Variants in HTR1D observed in about 807,000 individuals in gnomAD.
HTR1D encodes 5-hydroxytryptamine receptor 1D, also known as 5-HT-1D.
In HTR1D, 18 loss-of-function variants were observed where a neutral mutation model predicts 21.1. The observed-to-expected ratio is 0.85, with a 90% CI of 0.59 to 1.27. The LOEUF is 1.27. Among genes scored for constraint, HTR1D ranks in the 50% most tolerant of loss-of-function variants. The probability of loss-of-function intolerance (pLI) is 0.00; values close to 1 mark genes in which losing one functional copy is unlikely to be tolerated. For missense variants in HTR1D, 456 were observed against 481.4 expected, an observed-to-expected ratio of 0.95 and a Z score of 0.49; for synonymous variants, 196 against 204.4, an observed-to-expected ratio of 0.96 and a Z score of 0.35.
rs1471655207 is a variant in HTR1D at position 23,194,633 on chromosome 1, C to G, written c.-414G>C. The G allele has an allele frequency of 5.9e-6, 1 of 168,580 alleles. No individual in the cohort carries two copies. The highest frequency in any genetic ancestry group is 2.4e-5 in the African/African-American group (1 of 41,464). The allele number at this position is 168,580 out of a possible 1,614,324, so 10.4% of individuals were successfully genotyped here. A position where few individuals can be genotyped will look rare whatever the true frequency, so the allele number is the denominator to read the frequency against. On this transcript the variant is annotated 5_prime_UTR_variant, in exon 2 of 2. Transcript: ENST00000374619. ...GTGGGCAATGCCCTGGGATTCTTGC[C>G]TTTGGCATCTGGCTCTTTTCAAAGC...
chr1:23,200,640 T>C (rs1644705922), intron 1 of HTR1D, among the ~76,000 whole-genome samples: 1 of 152,072 alleles, frequency 6.6e-6, no homozygotes, highest in Non-Finnish European at 1.5e-5. Flanking sequence ...TCCCAAACTG[T>C]TGGGATTATA....
intron 1 of HTR1D, among the ~76,000 whole-genome samples, chr1:23,196,602 C>T (rs1408764127): frequency 6.6e-6 from 1 of 152,040 alleles, no homozygotes; most frequent in African/African-American, 2.4e-5. Flanking sequence ...AACTCCAAAA[C>T]ATATATTACA....
intron 1 of HTR1D, among the ~76,000 whole-genome samples, chr1:23,204,850 C>T (rs1174310925): frequency 6.6e-6 from 1 of 152,182 alleles, no homozygotes; most frequent in Non-Finnish European, 1.5e-5. Flanking sequence ...CCAGCAGACA[C>T]ATGTGCGAGC....
In HTR1D at chr1:23,193,623, G is replaced by C; in HGVS notation, c.597C>G (p.Ile199Met). The C allele has an allele frequency of 1.2e-6, 2 of 1,614,116 alleles. No homozygotes were observed. Among genetic ancestry groups the C allele is most frequent in the Non-Finnish European group, 1.7e-6 (2 of 1,180,008 alleles). The change falls in exon 2 of 2, where the codon ATC becomes ATG. Residue 199 changes from isoleucine (I) to methionine (M), a missense_variant. By Grantham distance (10) the Ile-to-Met change is conservative. Coordinates refer to ENST00000374619, the MANE Select transcript of HTR1D (RefSeq NM_000864.5). The part of the protein sequence containing the change: ...LVNTSQISYT[I>M]YSTCGAFYIP... ...TGTAGAAGGCCCCACAGGTGGAGTAGATGGTGTAGGAGATCTGAGAGGTGT... is the reference window on the plus strand; with the variant it reads ...TGTAGAAGGCCCCACAGGTGGAGTACATGGTGTAGGAGATCTGAGAGGTGT...
At chr1:23,216,614 C>A (rs376431489) in intron 1 of HTR1D, among the ~76,000 whole-genome samples, 41 of 152,366 alleles carry the variant, frequency 2.7e-4, no homozygotes, top group African/African-American at 8.2e-4. Flanking sequence ...GCAGATTTCT[C>A]AGTGCCCTTC....
At chr1:23,213,817 C>T (rs1644763404) in intron 1 of HTR1D, among the ~76,000 whole-genome samples, 1 of 152,144 alleles carries the variant, frequency 6.6e-6, no homozygotes, top group Non-Finnish European at 1.5e-5. Context: ...CCTGGGCTTC[C>T]CAAAGTGGTG....
intron 1 of HTR1D, among the ~76,000 whole-genome samples, chr1:23,214,683 C>T (rs1261622445): frequency 6.6e-6 from 1 of 152,074 alleles, no homozygotes; most frequent in African/African-American, 2.4e-5. Flanking sequence ...AGCACTTAAC[C>T]TGATCTGATA....
intron 1 of HTR1D, among the ~76,000 whole-genome samples, chr1:23,202,091 G>A (rs1363732132): frequency 1.3e-5 from 2 of 151,436 alleles, no homozygotes. Context: ...TGTTGTTGTT[G>A]TTTTGTTTGT....
intron 1 of HTR1D, among the ~76,000 whole-genome samples, chr1:23,213,204 C>T (rs1644760706): frequency 6.6e-6 from 1 of 152,132 alleles, no homozygotes; most frequent in Non-Finnish European, 1.5e-5. Flanking sequence ...CTCTCTTCCC[C>T]AGCACTTAAC....
In HTR1D at chr1:23,192,623, C is replaced by G. The variant is rs371541457; in HGVS notation, c.*463G>C. 5.2e-5 allele frequency: 8 copies of G among 152,520 alleles called. No individual in the cohort carries two copies. Among genetic ancestry groups the G allele is most frequent in the African/African-American group, 1.9e-4 (8 of 41,440 alleles). The allele number at this position is 152,520 out of a possible 1,614,324, so 9.4% of individuals were successfully genotyped here. A position where few individuals can be genotyped will look rare whatever the true frequency, so the allele number is the denominator to read the frequency against. On this transcript the variant is annotated 3_prime_UTR_variant, in exon 2 of 2. Transcript: ENST00000374619. ...TTGGGATGCTGAGGCGGGCGGATCA[C>G]GAGGTCAAGAGATCGAGACCACCCT... is the stretch of plus-strand genomic sequence containing the variant.
chr1:23,200,529 T>TTTTG (rs1213351812), intron 1 of HTR1D, among the ~76,000 whole-genome samples: 4 of 152,130 alleles, frequency 2.6e-5, no homozygotes, highest in Non-Finnish European at 5.9e-5. Context: ...AATGGTTTCT[T>TTTTG]TTTGTTTGTT....
intron 1 of HTR1D, among the ~76,000 whole-genome samples, chr1:23,210,800 T>C (rs935917896): frequency 9.9e-5 from 15 of 152,088 alleles, no homozygotes; most frequent in African/African-American, 3.6e-4. Flanking sequence ...GACCATACTT[T>C]GCAAGAAGCC....
intron 1 of HTR1D, among the ~76,000 whole-genome samples, chr1:23,206,201 C>T (rs371128327): frequency 2.0e-5 from 3 of 152,034 alleles, no homozygotes; most frequent in African/African-American, 7.2e-5. Flanking sequence ...ACCACCATAC[C>T]CAGCTAATTT....
rs1394883956 is a variant in HTR1D, at chr1:23,193,703, G to A, written c.517C>T (p.Pro173Ser). 1 of 1,614,076 alleles carries A rather than the reference G, an allele frequency of 6.2e-7. No individual in the cohort carries two copies. Among genetic ancestry groups the A allele is most frequent in the East Asian group, 2.2e-5 (1 of 44,874 alleles). The change falls in exon 2 of 2, where the codon CCG becomes TCG. Residue 173 changes from proline (P) to serine (S), a missense_variant. Pro to Ser is a moderately conservative substitution (Grantham distance 74, BLOSUM62 -1). Coordinates refer to ENST00000374619, the MANE Select transcript of HTR1D (RefSeq NM_000864.5). ...GCCTTGGCCTGCCGCCAGAAGAGCG[G>A]GGGGATGGAGATGCAGATGGAGATG... ...WAISICISIPPLFWRQAKAQE... is the reference protein window; with the variant it reads ...WAISICISIPSLFWRQAKAQE...
intron 1 of HTR1D, among the ~76,000 whole-genome samples, chr1:23,205,079 C>T (rs1312641369): frequency 6.6e-6 from 1 of 152,198 alleles, no homozygotes; most frequent in African/African-American, 2.4e-5. Context: ...ACTGAATTAA[C>T]AGCATTTGCA....
At chr1:23,208,779 G>C (rs1448558379) in intron 1 of HTR1D, among the ~76,000 whole-genome samples, 1 of 152,064 alleles carries the variant, frequency 6.6e-6, no homozygotes, top group Non-Finnish European at 1.5e-5. Flanking sequence ...GTAATATATG[G>C]CACAGCTGGG....
At chr1:23,196,476 C>A (rs967945490) in intron 1 of HTR1D, among the ~76,000 whole-genome samples, 8 of 150,250 alleles carry the variant, frequency 5.3e-5, no homozygotes, top group African/African-American at 1.2e-4. Flanking sequence ...AGCAGCTAAA[C>A]CTGCAATGCA....
In HTR1D at chr1:23,208,061, C is replaced by A. The variant is rs112352419; in HGVS notation, c.-783+9230G>T. Among the ~76,000 whole-genome samples, 269 of 152,262 alleles carry A rather than the reference C, an allele frequency of 1.8e-3. 3 individuals carry two copies. The highest frequency in any genetic ancestry group is 6.1e-3 in the African/African-American group (254 of 41,572). On this transcript the variant is annotated intron_variant, in intron 1 of 1. Transcript: ENST00000374619. ...TATAGGCGTGAGCCACTGCACCCGGCCTGCAAGAGCCTTTGAAGTTAACAA... is the reference window on the plus strand; with the variant it reads ...TATAGGCGTGAGCCACTGCACCCGGACTGCAAGAGCCTTTGAAGTTAACAA...
chr1:23,193,111 AT>A lies in HTR1D; in HGVS notation c.1108del (p.Ile370LeufsTer13), dbSNP rs1451165168. 8 of 1,610,506 alleles carry A rather than the reference AT, an allele frequency of 5.0e-6. No homozygotes were observed. Among genetic ancestry groups the A allele is most frequent in the Non-Finnish European group, 6.8e-6 (8 of 1,178,240 alleles). On this transcript the variant is annotated frameshift_variant, in exon 2 of 2. Transcript: ENST00000374619. LOFTEE classifies it high-confidence loss of function. ...CTAGGAGGCCTTCCGGAAAGGGACA[AT>A]TTTCTGAAAAGCTTGCCGAAACTCT... ...NEEFRQAFQK[I>X]VPFRKAS
Sources: allele counts gnomAD v4.1 joint callset (sites outside exome capture counted in the v4.1 genomes callset), GRCh38; gene constraint gnomAD v4.1.1; transcripts MANE v1.5; gene names NCBI Gene and HGNC (gene_info 2026-07-23, HGNC 2026-07-21).